LDAH: variants seen among roughly 807,000 people sequenced by gnomAD.
The protein encoded by LDAH is lipid droplet associated hydrolase, also known as lipid droplet-associated hydrolase.
Under a neutral mutation model 29.6 loss-of-function variants are expected in LDAH, and 26 were observed. The ratio of observed to expected loss-of-function variants is 0.88; its 90% CI spans 0.64 to 1.22. LDAH has a LOEUF of 1.22. Ranked by LOEUF, LDAH falls within the 50% of genes most tolerant of loss-of-function variation. The pLI is 0.00. For missense variants in LDAH, 344 were observed against 387.3 expected (o/e 0.89, Z 0.94); for synonymous variants, 117 against 133.0 (o/e 0.88, Z 0.83).
rs115075626 is a variant in LDAH at position 20,685,710 on chromosome 2, T to C, written c.*1193A>G. ...CATGATCAACTGTCACTGCAGTATG[T>C]GGTTCTCAAGATTGAGTCAATTTAG... On this transcript the variant is annotated 3_prime_UTR_variant, in exon 7 of 7. Transcript: ENST00000237822. 1,667 of 1,526,630 alleles carry C rather than the reference T, an allele frequency of 1.1e-3. 10 individuals carry two copies. The African/African-American group carries it at 0.02, about 19-fold the overall frequency. The allele number at this position is 1,526,630 out of a possible 1,614,324, so 94.6% of individuals were successfully genotyped here. A position where few individuals can be genotyped will look rare whatever the true frequency, so the allele number is the denominator to read the frequency against.
At chr2:20,728,153 T>C (rs966454368) in intron 5 of LDAH, among the ~76,000 whole-genome samples, 7 of 152,238 alleles carry the variant, frequency 4.6e-5, no homozygotes, top group African/African-American at 1.4e-4. Context: ...GGATTTATTA[T>C]CCACTGCTTG....
chr2:20,762,239 TTCTA>T (rs1456310929), intron 4 of LDAH, among the ~76,000 whole-genome samples: 2 of 152,158 alleles, frequency 1.3e-5, no homozygotes, highest in Non-Finnish European at 2.9e-5. Context: ...ACATGATTTT[TTCTA>T]TCTTTGTCTG....
intron 2 of LDAH, among the ~76,000 whole-genome samples, chr2:20,793,856 T>C (rs1671129930): frequency 6.6e-6 from 1 of 152,122 alleles, no homozygotes; most frequent in Non-Finnish European, 1.5e-5. Context: ...ATTGGATTAA[T>C]TAGAATTTAA....
intron 1 of LDAH, 95 bp from the exon 2 acceptor site, chr2:20,801,560 T>A: frequency 1.0e-6 from 1 of 1,001,148 alleles, no homozygotes; most frequent in Non-Finnish European, 1.5e-6. Context: ...CAAGTTTCAA[T>A]ATACCTAGAA....
At position 20,774,899 on chromosome 2, in the gene LDAH, CAT is replaced by C. The variant is rs1669697701; in HGVS notation, c.377_378del (p.His126ArgfsTer28). ...AGCACAAGTTTCATGTCCTTTGGCA[CAT>C]GAGTTCTCAGGAAAGCTAGTTTGTG... ...IEHKLAFLRT[H>X]VPKDMKLVLI... is the part of the protein sequence containing the mutation. On this transcript the variant is annotated frameshift_variant, in exon 4 of 7. Coordinates refer to ENST00000237822, the MANE Select transcript of LDAH (RefSeq NM_021925.4). LOFTEE classifies it high-confidence loss of function. 4 of 1,613,692 alleles carry C rather than the reference CAT, an allele frequency of 2.5e-6. No individual in the cohort carries two copies. The highest frequency in any genetic ancestry group is 3.5e-4 in the Middle Eastern group (2 of 5,742).
intron 4 of LDAH, among the ~76,000 whole-genome samples, chr2:20,770,605 A>G (rs1216804417): frequency 6.6e-6 from 1 of 152,084 alleles, no homozygotes; most frequent in Non-Finnish European, 1.5e-5. Flanking sequence ...TTGCTTCTGT[A>G]TTATTCTCCC....
intron 5 of LDAH, among the ~76,000 whole-genome samples, chr2:20,728,154 C>T (rs1490598542): frequency 6.6e-6 from 1 of 152,172 alleles, no homozygotes; most frequent in Non-Finnish European, 1.5e-5. Context: ...GATTTATTAT[C>T]CACTGCTTGG....
At chr2:20,812,139 GA>G (rs1672542805) in intron 1 of LDAH, among the ~76,000 whole-genome samples, 1 of 152,178 alleles carries the variant, frequency 6.6e-6, no homozygotes, top group Non-Finnish European at 1.5e-5. Context: ...TAAGTTTCAA[GA>G]AAATAAGGAA....
At chr2:20,738,068 A>G (rs974280470) in intron 5 of LDAH, among the ~76,000 whole-genome samples, 2 of 151,046 alleles carry the variant, frequency 1.3e-5, no homozygotes, top group Non-Finnish European at 1.5e-5. Flanking sequence ...CCTGGCCTAC[A>G]TGGTGAAACT....
intron 3 of LDAH, among the ~76,000 whole-genome samples, chr2:20,789,977 C>G (rs552920055): frequency 4.7e-4 from 71 of 152,160 alleles, no homozygotes; most frequent in Non-Finnish European, 8.4e-4. Flanking sequence ...TAGAACAACC[C>G]TGGAAAAATA....
At chr2:20,759,147 T>C (rs1008580765) in intron 4 of LDAH, among the ~76,000 whole-genome samples, 1 of 152,136 alleles carries the variant, frequency 6.6e-6, no homozygotes, top group Non-Finnish European at 1.5e-5. Flanking sequence ...ATAACAGTAC[T>C]GGTGAGGGGA....
At chr2:20,808,657 CAA>C (rs57055848) in intron 1 of LDAH, among the ~76,000 whole-genome samples, 23 of 78,738 alleles carry the variant, frequency 2.9e-4, no homozygotes, top group South Asian at 1.4e-3. Context: ...GACTCCGTCT[CAA>C]AAAAAAAAAA....
At chr2:20,690,446 T>C (rs879604918) in intron 6 of LDAH, among the ~76,000 whole-genome samples, 2 of 152,238 alleles carry the variant, frequency 1.3e-5, no homozygotes, top group Admixed American at 1.3e-4. Flanking sequence ...TGGGCTCACG[T>C]TTTGTAAAAT....
chr2:20,733,288 T>C (rs563381947), intron 5 of LDAH, among the ~76,000 whole-genome samples: 2 of 151,978 alleles, frequency 1.3e-5, no homozygotes, highest in South Asian at 4.2e-4. Context: ...TGGAGTTCAG[T>C]GGCATGATCA....
chr2:20,818,234 T>C (rs569536868), intron 1 of LDAH, among the ~76,000 whole-genome samples: 1 of 152,238 alleles, frequency 6.6e-6, no homozygotes, highest in East Asian at 1.9e-4. Flanking sequence ...CCCTGTAAAG[T>C]TTTTTGCAAC....
chr2:20,777,354 T>C (rs185154561), intron 3 of LDAH, among the ~76,000 whole-genome samples: 1 of 152,320 alleles, frequency 6.6e-6, no homozygotes, highest in Admixed American at 6.5e-5. Flanking sequence ...AGTGGTAAGA[T>C]TAATGGGGAA....
intron 4 of LDAH, among the ~76,000 whole-genome samples, chr2:20,746,853 T>C (rs1026661098): frequency 9.2e-5 from 14 of 152,142 alleles, no homozygotes; most frequent in Admixed American, 1.3e-4. Flanking sequence ...CATTTTCGCA[T>C]ATTTCACATT....
chr2:20,684,824 C>A lies in LDAH; in HGVS notation c.*2079G>T. 6.5e-7 allele frequency: 1 copy of A among 1,528,526 alleles called. No individual in the cohort carries two copies. Among genetic ancestry groups the A allele is most frequent in the Non-Finnish European group, 8.8e-7 (1 of 1,134,700 alleles). 94.7% of individuals were successfully genotyped at this position (1,528,526 alleles called of 1,614,324 possible). ...GGTTGACTGGGACATACAGGCAGAG[C>A]TGCTTCTGGAAAATGGATTTCTTCC... On this transcript the variant is annotated 3_prime_UTR_variant, in exon 7 of 7. Transcript: ENST00000237822.
At chr2:20,719,145 T>TA (rs915845539) in intron 5 of LDAH, among the ~76,000 whole-genome samples, 7 of 124,732 alleles carry the variant, frequency 5.6e-5, no homozygotes, top group Non-Finnish European at 8.8e-5. Flanking sequence ...ATTTGTAGAA[T>TA]AAAAAAAATA....
Sources: gnomAD v4.1 joint callset for allele counts (sites outside exome capture counted in the v4.1 genomes callset) on GRCh38, gnomAD v4.1.1 for gene constraint, MANE v1.5 for transcripts, NCBI Gene and HGNC (gene_info 2026-07-23, HGNC 2026-07-21) for gene names.